Variants in XKR4 observed in about 807,000 individuals in gnomAD.
The protein encoded by XKR4 is XK-related protein 4.
A neutral mutation model predicts 53.9 loss-of-function variants in XKR4; 12 were observed. The ratio of observed to expected loss-of-function variants is 0.22; its 90% CI spans 0.14 to 0.36. XKR4 has a LOEUF of 0.36. XKR4 is among the 10% of genes least tolerant of loss of function. The pLI is 1.00. For missense variants in XKR4, 799 were observed against 859.5 expected (o/e 0.93, Z 0.88); for synonymous variants, 354 against 362.4 (o/e 0.98, Z 0.26).
chr8:55,191,685 CTT>C (rs528131249), intron 1 of XKR4, among the ~76,000 whole-genome samples: 7 of 117,046 alleles, frequency 6.0e-5, no homozygotes, highest in Admixed American at 8.0e-5. Context: ...TAGTACAATT[CTT>C]TTTTTTTTTT....
chr8:55,262,177 T>C (rs985633575), intron 1 of XKR4, among the ~76,000 whole-genome samples: 1 of 152,254 alleles, frequency 6.6e-6, no homozygotes, highest in South Asian at 2.1e-4. Context: ...ATTAATTCTT[T>C]AATGAAACAT....
rs1303627059 is a variant in XKR4 at position 55,525,944 on chromosome 8, C to CTATCAGAA, written c.*1724_*1731dup. On this transcript the variant is annotated 3_prime_UTR_variant, in exon 3 of 3. Transcript: ENST00000327381. The stretch of plus-strand genomic sequence containing the variant: ...GCCCCCAGGAACCTGGCCAGGGGTG[C>CTATCAGAA]TATCAGAATATCAGGTGAAGAGAGA... 6.6e-6 allele frequency: 1 copy of CTATCAGAA among 152,530 alleles called. No homozygotes were observed. The highest frequency in any genetic ancestry group is 1.5e-5 in the Non-Finnish European group (1 of 68,018). The allele number at this position is 152,530 out of a possible 1,614,324, so 9.4% of individuals were successfully genotyped here. A position where few individuals can be genotyped will look rare whatever the true frequency, so the allele number is the denominator to read the frequency against.
intron 2 of XKR4, among the ~76,000 whole-genome samples, chr8:55,492,997 A>G (rs1806292575): frequency 6.6e-6 from 1 of 152,176 alleles, no homozygotes; most frequent in South Asian, 2.1e-4. Context: ...TAGCAGGGCA[A>G]TTGTAACTAT....
At chr8:55,458,425 A>C (rs1240431717) in intron 2 of XKR4, among the ~76,000 whole-genome samples, 1 of 152,144 alleles carries the variant, frequency 6.6e-6, no homozygotes, top group Non-Finnish European at 1.5e-5. Flanking sequence ...TGACCCCTGG[A>C]GTTACAGTAT....
intron 2 of XKR4, among the ~76,000 whole-genome samples, chr8:55,378,025 G>T (rs1804175380): frequency 6.6e-6 from 1 of 152,116 alleles, no homozygotes; most frequent in Non-Finnish European, 1.5e-5. Context: ...CTTCATCGGG[G>T]GAATAGAAAT....
intron 2 of XKR4, among the ~76,000 whole-genome samples, chr8:55,455,935 T>C (rs977561721): frequency 6.6e-6 from 1 of 152,208 alleles, no homozygotes; most frequent in African/African-American, 2.4e-5. Context: ...TAGCTACATG[T>C]CATGGGGAAG....
chr8:55,384,445 A>G (rs560897566), intron 2 of XKR4, among the ~76,000 whole-genome samples: 66 of 152,344 alleles, frequency 4.3e-4, no homozygotes, highest in Non-Finnish European at 7.3e-4. Context: ...TGGAACAAAA[A>G]TGTCCTAGAA....
chr8:55,366,100 C>G (rs1803981658), intron 2 of XKR4, among the ~76,000 whole-genome samples: 1 of 152,158 alleles, frequency 6.6e-6, no homozygotes, highest in Non-Finnish European at 1.5e-5. Context: ...CTGTGGAGGC[C>G]CAGTGATAAT....
At chr8:55,300,706 G>T (rs1819180332) in intron 1 of XKR4, among the ~76,000 whole-genome samples, 1 of 152,114 alleles carries the variant, frequency 6.6e-6, no homozygotes, top group Non-Finnish European at 1.5e-5. Flanking sequence ...CTTCAGGGCA[G>T]CTTTACTAAA....
chr8:55,202,086 A>G (rs1468357988), intron 1 of XKR4, among the ~76,000 whole-genome samples: 2 of 152,248 alleles, frequency 1.3e-5, no homozygotes, highest in Admixed American at 6.5e-5. Flanking sequence ...TGTGAAGAGG[A>G]AAGAACTGGT....
intron 1 of XKR4, 146 bp from the exon 2 acceptor site, chr8:55,357,532 C>G: frequency 1.3e-6 from 1 of 765,366 alleles, no homozygotes; most frequent in Non-Finnish European, 2.1e-6. Flanking sequence ...AAGCAGTTAA[C>G]TTTGGACTTT....
At chr8:55,452,718 C>A (rs1424765378) in intron 2 of XKR4, 3 of 1,037,764 alleles carry the variant, frequency 2.9e-6, no homozygotes, top group Non-Finnish European at 4.6e-6. Context: ...GACCACAGCC[C>A]CAGCTACATT....
chr8:55,178,666 C>G (rs1453440619), intron 1 of XKR4, among the ~76,000 whole-genome samples: 1 of 152,224 alleles, frequency 6.6e-6, no homozygotes, highest in South Asian at 2.1e-4. Flanking sequence ...AGTCCTAGCT[C>G]GACACTAACT....
intron 1 of XKR4, chr8:55,141,988 G>A: frequency 2.3e-6 from 1 of 434,250 alleles, no homozygotes; most frequent in Non-Finnish European, 4.6e-6. Context: ...TATTTCCAGG[G>A]GTGATAAAGC....
At position 55,531,616 on chromosome 8, in the gene XKR4, A is replaced by C. The variant is rs945162868; in HGVS notation, c.*7389A>C. 25 of 152,206 alleles carry C rather than the reference A, an allele frequency of 1.6e-4. No individual in the cohort carries two copies. Among genetic ancestry groups the C allele is most frequent in the Non-Finnish European group, 3.2e-4 (22 of 68,030 alleles). The allele number at this position is 152,206 out of a possible 1,614,324, so 9.4% of individuals were successfully genotyped here. A position where few individuals can be genotyped will look rare whatever the true frequency, so the allele number is the denominator to read the frequency against. Reference sequence around the variant, plus strand: ...AAATTGATATCACAACACACAAAAAAATTGAAATACTCTCTTGGTGCATAG... The same window carrying C: ...AAATTGATATCACAACACACAAAAACATTGAAATACTCTCTTGGTGCATAG... On this transcript the variant is annotated 3_prime_UTR_variant, in exon 3 of 3. Coordinates refer to ENST00000327381, the MANE Select transcript of XKR4 (RefSeq NM_052898.2).
At chr8:55,236,103 G>A (rs745584849) in intron 1 of XKR4, among the ~76,000 whole-genome samples, 5 of 152,182 alleles carry the variant, frequency 3.3e-5, no homozygotes, top group Non-Finnish European at 7.3e-5. Flanking sequence ...CAGCCTACAG[G>A]CTCAGGGTGG....
chr8:55,175,330 A>G (rs909429064), intron 1 of XKR4, among the ~76,000 whole-genome samples: 1 of 152,230 alleles, frequency 6.6e-6, no homozygotes, highest in Non-Finnish European at 1.5e-5. Context: ...TTTATATTCA[A>G]TATTCTGGTT....
chr8:55,142,154 G>A, intron 1 of XKR4: 1 of 456,078 alleles, frequency 2.2e-6, no homozygotes, highest in South Asian at 1.5e-5. Context: ...GAGCCCACTG[G>A]CCTCACTGCT....
chr8:55,300,136 G>A (rs1321926753), intron 1 of XKR4, among the ~76,000 whole-genome samples: 1 of 152,172 alleles, frequency 6.6e-6, no homozygotes. Context: ...TGTGAAAGGT[G>A]AAGCAGGTGG....
Sources: gnomAD v4.1 joint callset for allele counts (sites outside exome capture counted in the v4.1 genomes callset) on GRCh38, gnomAD v4.1.1 for gene constraint, MANE v1.5 for transcripts, NCBI Gene and HGNC (gene_info 2026-07-23, HGNC 2026-07-21) for gene names.